SPATA1: variants seen among roughly 807,000 people sequenced by gnomAD.
SPATA1 encodes the protein spermatogenesis associated 1, also known as spermatogenesis-associated protein 1.
Under a neutral mutation model 59.6 loss-of-function variants are expected in SPATA1, and 57 were observed. The ratio of observed to expected loss-of-function variants is 0.96; its 90% CI spans 0.77 to 1.19. The LOEUF (loss-of-function observed/expected upper bound fraction) is 1.19, where lower values mean the gene tolerates loss of function less well. Among genes scored for constraint, SPATA1 ranks in the 50% most tolerant of loss-of-function variants. The pLI, the probability that SPATA1 is intolerant of heterozygous loss-of-function variation, is 0.00. For missense variants in SPATA1, 448 were observed against 480.7 expected (o/e 0.93, Z 0.64); for synonymous variants, 147 against 163.9 (o/e 0.90, Z 0.79).
At chr1:84,549,195 G>T (rs1684194849) in intron 11 of SPATA1, among the ~76,000 whole-genome samples, 1 of 152,088 alleles carries the variant, frequency 6.6e-6, no homozygotes, top group Non-Finnish European at 1.5e-5. Context: ...TATTTTCAGT[G>T]TTAATTTCAT....
chr1:84,541,889 C>T (rs1352836494), intron 8 of SPATA1, among the ~76,000 whole-genome samples: 2 of 152,104 alleles, frequency 1.3e-5, no homozygotes, highest in Non-Finnish European at 2.9e-5. Flanking sequence ...TTTCTTAAAT[C>T]AGGAGCACCC....
At chr1:84,532,218 G>A (rs1246810449) in intron 6 of SPATA1, among the ~76,000 whole-genome samples, 2 of 152,216 alleles carry the variant, frequency 1.3e-5, no homozygotes, top group African/African-American at 4.8e-5. Flanking sequence ...AATTAAGGCC[G>A]AACGCAGTGG....
Position 84,544,402 on chromosome 1 carries a change from G to C in SPATA1, c.820+98G>C, listed in dbSNP as rs1198174724. The C allele has an allele frequency of 2.4e-5, 22 of 932,712 alleles. No individual in the cohort carries two copies. The East Asian group carries it at 5.0e-4, about 21-fold the overall frequency. The allele number at this position is 932,712 out of a possible 1,614,324, so 57.8% of individuals were successfully genotyped here. Reference sequence around the variant, plus strand: ...TTTAATGGGTATAGAGTTTCAGTTTGAGAAGATAAATAAGTTCTGGAGATG... The same window carrying C: ...TTTAATGGGTATAGAGTTTCAGTTTCAGAAGATAAATAAGTTCTGGAGATG... On this transcript the variant is annotated intron_variant, in intron 9 of 12. Transcript: ENST00000490879.
At chr1:84,531,347 G>C (rs2101967446) in intron 6 of SPATA1, among the ~76,000 whole-genome samples, 1 of 151,794 alleles carries the variant, frequency 6.6e-6, no homozygotes, top group South Asian at 2.1e-4. Context: ...ATTTTTAGTA[G>C]AGACAGGGTT....
At chr1:84,543,875 AT>A (rs964431029) in intron 8 of SPATA1, among the ~76,000 whole-genome samples, 2 of 152,250 alleles carry the variant, frequency 1.3e-5, no homozygotes, top group Non-Finnish European at 2.9e-5. Flanking sequence ...GATGAAAAAA[AT>A]ATTAATAGGC....
chr1:84,550,415 T>A lies in SPATA1; in HGVS notation c.1126-17T>A, dbSNP rs370093562. On this transcript the variant is annotated splice_polypyrimidine_tract_variant and intron_variant, in intron 11 of 12. Transcript: ENST00000490879. ...GTTTATATGTTATACTAAATAAATA[T>A]CTATCTATCCACACAGAATTACCTA... 1.8e-5 allele frequency: 24 copies of A among 1,330,822 alleles called. No individual in the cohort carries two copies. The Admixed American group carries it at 4.2e-4, about 23-fold the overall frequency. 82.4% of individuals were successfully genotyped at this position (1,330,822 alleles called of 1,614,324 possible).
chr1:84,545,789 A>G, intron 10 of SPATA1, 30 bp downstream of exon 10: 2 of 1,400,720 alleles, frequency 1.4e-6, no homozygotes, highest in Non-Finnish European at 1.9e-6. Context: ...TTTTATCACT[A>G]TAAAGAAAAC....
At chr1:84,527,831 G>A (rs1198740501) in intron 6 of SPATA1, among the ~76,000 whole-genome samples, 1 of 152,098 alleles carries the variant, frequency 6.6e-6, no homozygotes, top group Non-Finnish European at 1.5e-5. Context: ...CCAGGTTCAA[G>A]CAAATCTCCT....
chr1:84,565,910 C>G (rs771101356), exon 5 of SPATA1: 1 of 1,600,630 alleles, frequency 6.2e-7, no homozygotes, highest in Non-Finnish European at 8.5e-7. Context: ...CTTTGTTCAT[C>G]ATAAGACATC....
intron 2 of SPATA1, 127 bp from the exon 3 acceptor site, chr1:84,520,458 C>A: frequency 3.2e-6 from 2 of 615,860 alleles, no homozygotes; most frequent in Non-Finnish European, 5.2e-6. Flanking sequence ...TTTGTTTGTT[C>A]AGAGGGATGT....
chr1:84,548,214 AAAAG>A (rs1296752451), intron 10 of SPATA1, among the ~76,000 whole-genome samples: 8 of 152,058 alleles, frequency 5.3e-5, no homozygotes, highest in Non-Finnish European at 1.0e-4. Flanking sequence ...ATGATAATCT[AAAAG>A]AAAGAAACTA....
chr1:84,544,891 T>G (rs1313093499), intron 9 of SPATA1, among the ~76,000 whole-genome samples: 1 of 151,740 alleles, frequency 6.6e-6, no homozygotes, highest in African/African-American at 2.4e-5. Flanking sequence ...CTACATATGT[T>G]TAGTCACCAA....
chr1:84,567,164 T>C (rs1684715349), downstream of SPATA1, among the ~76,000 whole-genome samples: 1 of 152,232 alleles, frequency 6.6e-6, no homozygotes, highest in Non-Finnish European at 1.5e-5. Flanking sequence ...AGCAAAACTC[T>C]TTTTAGGACT....
At chr1:84,533,493 T>A (rs1246214741) in intron 7 of SPATA1, among the ~76,000 whole-genome samples, 1 of 152,086 alleles carries the variant, frequency 6.6e-6, no homozygotes, top group African/African-American at 2.4e-5. Context: ...AATTTAGCTA[T>A]AATATAATAA....
rs1682385438 is a variant in SPATA1 at position 84,508,515 on chromosome 1, G to T, written c.-138+2097G>T. ...TGTTGTCACCAAGAGGATTCTTTTA[G>T]CAATAAATGCCAAGAAAAGACCACC... On this transcript the variant is annotated intron_variant, in intron 1 of 12. Coordinates refer to ENST00000490879, the Ensembl canonical transcript of SPATA1. Among the ~76,000 whole-genome samples, 4 of 152,118 alleles carry T rather than the reference G, an allele frequency of 2.6e-5. No individual in the cohort carries two copies. In the South Asian group the frequency reaches 8.3e-4, roughly 32 times the overall value.
intron 1 of SPATA1, among the ~76,000 whole-genome samples, chr1:84,515,168 C>T (rs2101921305): frequency 6.6e-6 from 1 of 151,262 alleles, no homozygotes; most frequent in South Asian, 2.1e-4. Flanking sequence ...CACTTAGGTT[C>T]ATAATAGAGG....
At chr1:84,509,090 A>G (rs1682415588) in intron 1 of SPATA1, among the ~76,000 whole-genome samples, 2 of 152,292 alleles carry the variant, frequency 1.3e-5, no homozygotes, top group Admixed American at 1.3e-4. Flanking sequence ...CAGAACCATA[A>G]AAGACCCAGA....
chr1:84,513,149 C>T (rs1474828960), intron 1 of SPATA1, among the ~76,000 whole-genome samples: 4 of 152,112 alleles, frequency 2.6e-5, no homozygotes, highest in African/African-American at 7.2e-5. Flanking sequence ...TACAGAGTTT[C>T]GCTCTTGTTG....
chr1:84,565,744 G>A (rs895621046), intron 4 of SPATA1, 117 bp from the exon 14 acceptor site: 9 of 623,912 alleles, frequency 1.4e-5, no homozygotes, highest in African/African-American at 7.9e-5. Context: ...ATTGAAAAAC[G>A]TATACATATA....
Sources: gnomAD v4.1 joint callset for allele counts (sites outside exome capture counted in the v4.1 genomes callset) on GRCh38, gnomAD v4.1.1 for gene constraint, MANE v1.5 for transcripts, NCBI Gene and HGNC (gene_info 2026-07-23, HGNC 2026-07-21) for gene names.